Variants in ASTN2 observed in about 807,000 individuals in gnomAD.
ASTN2 encodes astrotactin-2.
Under a neutral mutation model 139.8 loss-of-function variants are expected in ASTN2, and 54 were observed. The ratio of observed to expected loss-of-function variants is 0.39; its 90% CI spans 0.31 to 0.48. The LOEUF (loss-of-function observed/expected upper bound fraction) is 0.48. ASTN2 is among the 20% of genes least tolerant of loss of function. ASTN2 has a pLI of 0.95. For missense variants in ASTN2, 1,565 were observed against 1,725.1 expected (o/e 0.91, Z 1.64); for synonymous variants, 756 against 719.5 (o/e 1.05, Z -0.81).
intron 10 of ASTN2, among the ~76,000 whole-genome samples, chr9:116,948,334 T>C (rs1835454640): frequency 6.6e-6 from 1 of 152,212 alleles, no homozygotes; most frequent in Non-Finnish European, 1.5e-5. Context: ...AATGGTGGTT[T>C]CTTGTTTACT....
chr9:116,699,151 G>A lies in ASTN2; in HGVS notation c.2806+26620C>T, dbSNP rs1861045257. 3 of 1,614,138 alleles carry A rather than the reference G, an allele frequency of 1.9e-6. No individual in the cohort carries two copies. The South Asian group carries it at 3.3e-5, about 18-fold the overall frequency. On this transcript the variant is annotated intron_variant, in intron 16 of 22. Coordinates refer to ENST00000313400, the MANE Select transcript of ASTN2 (RefSeq NM_001365068.1). This position sits in a 1 kb window ranked among gnomAD's most constrained non-coding sequence, Gnocchi z 4.2. ...GTGGCCTGTCACAGGAGCCAGCTGA[G>A]CAAACCATGGGGTATCACAGCCTTG...
chr9:117,076,580 T>C, intron 5 of ASTN2, among the ~76,000 whole-genome samples: 1 of 152,134 alleles, frequency 6.6e-6, no homozygotes, highest in East Asian at 1.9e-4. Flanking sequence ...AAGGTCACTT[T>C]TGGAAGTTGG....
intron 17 of ASTN2, 55 bp downstream of exon 17, chr9:116,651,473 A>G (rs1173832693): frequency 1.6e-5 from 25 of 1,582,830 alleles, no homozygotes; most frequent in Non-Finnish European, 2.2e-5. Context: ...CCACAAGGGT[A>G]GGAGGTAGGA....
At chr9:117,091,217 C>T (rs115283085) in intron 5 of ASTN2, among the ~76,000 whole-genome samples, 24 of 152,316 alleles carry the variant, frequency 1.6e-4, no homozygotes, top group African/African-American at 5.8e-4. Context: ...AGCCTCCATC[C>T]TGAACACCTA....
chr9:117,345,837 T>C (rs1829197819), intron 1 of ASTN2, among the ~76,000 whole-genome samples: 1 of 152,026 alleles, frequency 6.6e-6, no homozygotes, highest in Non-Finnish European at 1.5e-5. Flanking sequence ...CTTCTTTTTC[T>C]CTTCCACCCC....
At chr9:116,678,997 G>A (rs559598147) in intron 16 of ASTN2, among the ~76,000 whole-genome samples, 3 of 152,226 alleles carry the variant, frequency 2.0e-5, no homozygotes, top group East Asian at 1.9e-4. Context: ...AAAGGGTTTC[G>A]TTTTTCCCTC....
At chr9:116,666,332 A>G (rs553864382) in intron 16 of ASTN2, among the ~76,000 whole-genome samples, 1 of 152,318 alleles carries the variant, frequency 6.6e-6, no homozygotes, top group South Asian at 2.1e-4. Context: ...TTGTATAGGG[A>G]AAAGAACATA....
chr9:116,823,694 T>A (rs1465678549), intron 11 of ASTN2, among the ~76,000 whole-genome samples: 1 of 152,200 alleles, frequency 6.6e-6, no homozygotes, highest in African/African-American at 2.4e-5. Flanking sequence ...CTCCCCAAGA[T>A]GATTTGCTGA....
intron 2 of ASTN2, among the ~76,000 whole-genome samples, chr9:117,269,309 A>T (rs1411839894): frequency 6.6e-6 from 1 of 152,214 alleles, no homozygotes; most frequent in Non-Finnish European, 1.5e-5. Context: ...TCATTAGCAT[A>T]ACAGGTGCCT....
At chr9:116,885,908 T>C (rs140388542) in intron 10 of ASTN2, among the ~76,000 whole-genome samples, 2 of 152,314 alleles carry the variant, frequency 1.3e-5, no homozygotes, top group African/African-American at 4.8e-5. Context: ...ATTTAGCAAA[T>C]ACCTATTGAA....
At chr9:117,181,532 A>G (rs1165848997) in intron 3 of ASTN2, among the ~76,000 whole-genome samples, 6 of 152,158 alleles carry the variant, frequency 3.9e-5, no homozygotes, top group Admixed American at 2.0e-4. Flanking sequence ...TGAACAATAC[A>G]AGACTCTCTT....
chr9:116,969,844 T>G (rs1158487051), intron 10 of ASTN2, among the ~76,000 whole-genome samples: 3 of 152,164 alleles, frequency 2.0e-5, no homozygotes, highest in African/African-American at 7.2e-5. Context: ...TTAGTAGGTA[T>G]ATTATTACAT....
At chr9:116,797,049 G>A (rs537990341) in intron 13 of ASTN2, among the ~76,000 whole-genome samples, 3 of 150,826 alleles carry the variant, frequency 2.0e-5, no homozygotes, top group African/African-American at 7.3e-5. Context: ...TTGAACTCCT[G>A]GCCTCAAGCA....
intron 13 of ASTN2, among the ~76,000 whole-genome samples, chr9:116,747,397 C>T (rs79811013): frequency 6.6e-6 from 1 of 152,184 alleles, no homozygotes; most frequent in Non-Finnish European, 1.5e-5. Flanking sequence ...GTTGCAAATG[C>T]CGATGCTGGT....
At chr9:116,467,330 G>C (rs777309140) in intron 20 of ASTN2, among the ~76,000 whole-genome samples, 1 of 152,086 alleles carries the variant, frequency 6.6e-6, no homozygotes, top group Non-Finnish European at 1.5e-5. Flanking sequence ...GCAGTGGTGC[G>C]ATCTTGGCTC....
intron 19 of ASTN2, among the ~76,000 whole-genome samples, chr9:116,580,364 T>C (rs1449071762): frequency 1.3e-5 from 2 of 152,174 alleles, no homozygotes; most frequent in Non-Finnish European, 2.9e-5. Context: ...TCTGCCCCCT[T>C]GTCCACAACC....
rs566931278 is a variant in ASTN2 at position 116,475,714 on chromosome 9, T to C, written c.3497+11645A>G. Among the ~76,000 whole-genome samples, 43 of 152,324 alleles carry C rather than the reference T, an allele frequency of 2.8e-4. 1 individual carries two copies. The South Asian group carries it at 7.0e-3, about 25-fold the overall frequency. On this transcript the variant is annotated intron_variant, in intron 20 of 22. Coordinates refer to ENST00000313400, the MANE Select transcript of ASTN2 (RefSeq NM_001365068.1). The stretch of plus-strand genomic sequence containing the variant: ...CTGCTTCCTCTCCTCTAGGCATTGT[T>C]CAGATGCTTGGCCTTCCCCTTGCAA...
At chr9:116,819,577 C>T (rs905482557) in intron 12 of ASTN2, among the ~76,000 whole-genome samples, 5 of 152,044 alleles carry the variant, frequency 3.3e-5, no homozygotes, top group African/African-American at 1.2e-4. Flanking sequence ...GGAATTAAAC[C>T]CATGCCCACA....
intron 13 of ASTN2, among the ~76,000 whole-genome samples, chr9:116,751,616 A>G (rs1183774127): frequency 2.0e-5 from 3 of 152,048 alleles, no homozygotes; most frequent in Non-Finnish European, 2.9e-5. Context: ...AAAATCCCAG[A>G]GAATCCACAA....
Sources: gnomAD v4.1 joint callset for allele counts (sites outside exome capture counted in the v4.1 genomes callset) on GRCh38, gnomAD v4.1.1 for gene constraint, Gnocchi (gnomAD v3.1) non-coding constraint, MANE v1.5 for transcripts, NCBI Gene and HGNC (gene_info 2026-07-23, HGNC 2026-07-21) for gene names.